ADAM32: variants seen among roughly 807,000 people sequenced by gnomAD.
ADAM32 encodes ADAM metallopeptidase domain 32, also known as disintegrin and metalloproteinase domain-containing protein 32.
Under a neutral mutation model 114.9 loss-of-function variants are expected in ADAM32, and 89 were observed. The ratio of observed to expected loss-of-function variants is 0.77; its 90% CI spans 0.65 to 0.92. The LOEUF (loss-of-function observed/expected upper bound fraction) is 0.92, where lower values mean the gene tolerates loss of function less well. Among genes scored for constraint, ADAM32 ranks in the 40% least tolerant of loss-of-function variants. The probability of loss-of-function intolerance (pLI) is 0.00; values close to 1 mark genes in which losing one functional copy is unlikely to be tolerated. For synonymous variants in ADAM32, 285 were observed against 307.5 expected (o/e 0.93, Z 0.77); for missense variants, 870 against 932.8 (o/e 0.93, Z 0.88).
At chr8:39,268,863 C>G (rs1262868087) in intron 19 of ADAM32, among the ~76,000 whole-genome samples, 1 of 152,152 alleles carries the variant, frequency 6.6e-6, no homozygotes, top group Non-Finnish European at 1.5e-5. Flanking sequence ...AGAATAGTCA[C>G]CCATAAAAAG....
intron 18 of ADAM32, among the ~76,000 whole-genome samples, 196 bp downstream of exon 18, chr8:39,254,712 T>C (rs1033405719): frequency 4.6e-5 from 7 of 151,744 alleles, no homozygotes; most frequent in African/African-American, 1.7e-4. Flanking sequence ...AACTAATCAA[T>C]TAATTTTTTT....
chr8:39,183,943 C>G (rs1002116146), intron 10 of ADAM32, among the ~76,000 whole-genome samples: 20 of 152,294 alleles, frequency 1.3e-4, no homozygotes, highest in African/African-American at 4.8e-4. Context: ...CTGGGATACA[C>G]GAGGACAAAT....
intron 6 of ADAM32, among the ~76,000 whole-genome samples, chr8:39,158,980 CAATT>C (rs1331768518): frequency 6.6e-6 from 1 of 152,042 alleles, no homozygotes; most frequent in Non-Finnish European, 1.5e-5. Flanking sequence ...TATTTTAAAA[CAATT>C]AATTTACATT....
At chr8:39,233,715 G>T (rs1221810949) in intron 15 of ADAM32, among the ~76,000 whole-genome samples, 184 bp from the exon 16 acceptor site, 2 of 152,076 alleles carry the variant, frequency 1.3e-5, no homozygotes, top group African/African-American at 2.4e-5. Context: ...TGAAAGTTAA[G>T]CTAGGATCAA....
intron 11 of ADAM32, among the ~76,000 whole-genome samples, chr8:39,187,327 A>G (rs971239444): frequency 1.3e-5 from 2 of 152,210 alleles, no homozygotes; most frequent in African/African-American, 4.8e-5. Context: ...GCCAGACTGC[A>G]GTGGCGCTGT....
intron 2 of ADAM32, among the ~76,000 whole-genome samples, chr8:39,131,105 C>T (rs76254545): frequency 0.29 from 43,281 of 151,396 alleles, 6,242 homozygotes; most frequent in Middle Eastern, 0.34. Context: ...TACAGGCGCC[C>T]GCCACCACGC....
chr8:39,277,141 C>T (rs917585352), intron 22 of ADAM32, among the ~76,000 whole-genome samples: 2 of 152,174 alleles, frequency 1.3e-5, no homozygotes, highest in South Asian at 4.1e-4. Context: ...CTTCTTCGCT[C>T]AATATATCAT....
intron 1 of ADAM32, among the ~76,000 whole-genome samples, chr8:39,117,153 A>G (rs1162574298): frequency 2.6e-5 from 4 of 152,186 alleles, no homozygotes; most frequent in African/African-American, 9.6e-5. Flanking sequence ...AAGTGCTGGG[A>G]TTACAGGCAT....
chr8:39,277,807 C>T (rs1378757009), intron 22 of ADAM32, among the ~76,000 whole-genome samples: 1 of 152,232 alleles, frequency 6.6e-6, no homozygotes, highest in Non-Finnish European at 1.5e-5. Context: ...AGGCAGGGTG[C>T]CTGTGACTCC....
chr8:39,271,525 T>G (rs890870699), intron 20 of ADAM32, among the ~76,000 whole-genome samples: 1 of 129,072 alleles, frequency 7.7e-6, no homozygotes, highest in Non-Finnish European at 1.7e-5. Context: ...GAAATACAGG[T>G]AATTGAAAAA....
At chr8:39,251,773 T>C (rs550715589) in intron 17 of ADAM32, among the ~76,000 whole-genome samples, 115 of 151,962 alleles carry the variant, frequency 7.6e-4, no homozygotes, top group Non-Finnish European at 1.5e-3. Context: ...TTTGAGGTTA[T>C]ATCCAAAAAA....
chr8:39,206,441 A>C (rs528939996), intron 11 of ADAM32, among the ~76,000 whole-genome samples: 7 of 152,314 alleles, frequency 4.6e-5, no homozygotes, highest in Admixed American at 6.5e-5. Context: ...CTGCATGGGC[A>C]CTGAAGTCAG....
intron 18 of ADAM32, 29 bp from the exon 19 acceptor site, chr8:39,257,157 GT>G (rs200807312): frequency 0.27 from 329,205 of 1,209,210 alleles, 8,079 homozygotes; most frequent in East Asian, 0.29. Flanking sequence ...TAATTTTTTT[GT>G]TTTTTTTTTT....
chr8:39,132,336 T>A (rs1802515774), intron 2 of ADAM32, among the ~76,000 whole-genome samples: 1 of 152,246 alleles, frequency 6.6e-6, no homozygotes, highest in Non-Finnish European at 1.5e-5. Context: ...ACTACTTATT[T>A]TCTTTGTGGT....
chr8:39,194,219 G>A (rs1418853096), intron 11 of ADAM32, among the ~76,000 whole-genome samples: 2 of 152,148 alleles, frequency 1.3e-5, no homozygotes, highest in African/African-American at 2.4e-5. Context: ...GCACACTCGC[G>A]TGGTTAGCAG....
chr8:39,201,522 T>C (rs1356804651), intron 11 of ADAM32, among the ~76,000 whole-genome samples: 1 of 152,168 alleles, frequency 6.6e-6, no homozygotes, highest in Non-Finnish European at 1.5e-5. Flanking sequence ...TTAAGGAGAT[T>C]TTGGGCTGAG....
intron 2 of ADAM32, among the ~76,000 whole-genome samples, chr8:39,126,109 G>A (rs567562542): frequency 2.2e-4 from 33 of 152,244 alleles, no homozygotes; most frequent in African/African-American, 6.7e-4. Flanking sequence ...CTTCAGCTTC[G>A]TTCTTCTTGC....
intron 15 of ADAM32, 68 bp downstream of exon 15, chr8:39,232,203 T>TC: frequency 8.0e-7 from 1 of 1,242,266 alleles, no homozygotes; most frequent in Non-Finnish European, 1.1e-6. Flanking sequence ...TTTGCCCCCT[T>TC]CTGTGTCATT....
intron 10 of ADAM32, among the ~76,000 whole-genome samples, chr8:39,186,172 G>A (rs770454672): frequency 7.9e-5 from 12 of 152,126 alleles, no homozygotes; most frequent in Non-Finnish European, 1.3e-4. Flanking sequence ...CTTTAGGGCT[G>A]TTATAAGAAA....
Sources: allele counts gnomAD v4.1 joint callset (sites outside exome capture counted in the v4.1 genomes callset), GRCh38; gene constraint gnomAD v4.1.1; transcripts MANE v1.5; gene names NCBI Gene and HGNC (gene_info 2026-07-23, HGNC 2026-07-21).